Variants in ZFAND3 observed in about 807,000 individuals in gnomAD.
The protein encoded by ZFAND3 is zinc finger AN1-type containing 3.
A neutral mutation model predicts 29.6 loss-of-function variants in ZFAND3; 10 were observed. The ratio of observed to expected loss-of-function variants is 0.34; its 90% CI spans 0.21 to 0.57. The LOEUF (loss-of-function observed/expected upper bound fraction) is 0.57. Among genes scored for constraint, ZFAND3 ranks in the 20% least tolerant of loss-of-function variants. The pLI, the probability that ZFAND3 is intolerant of heterozygous loss-of-function variation, is 0.86. For missense variants in ZFAND3, 230 were observed against 304.5 expected (o/e 0.76, Z 1.82); for synonymous variants, 128 against 112.6 (o/e 1.14, Z -0.87).
chr6:38,030,684 A>G (rs1227392905), intron 2 of ZFAND3, among the ~76,000 whole-genome samples: 1 of 152,142 alleles, frequency 6.6e-6, no homozygotes, highest in Non-Finnish European at 1.5e-5. Flanking sequence ...CACAAGGAAA[A>G]TACCCTGCAG....
intron 2 of ZFAND3, among the ~76,000 whole-genome samples, chr6:38,048,113 C>T (rs931383235): frequency 2.0e-5 from 3 of 151,804 alleles, no homozygotes; most frequent in African/African-American, 4.8e-5. Flanking sequence ...TCAGGTGATC[C>T]TCCTACCTCA....
intron 3 of ZFAND3, among the ~76,000 whole-genome samples, chr6:38,077,389 C>A (rs1764575463): frequency 6.6e-6 from 1 of 152,040 alleles, no homozygotes; most frequent in Non-Finnish European, 1.5e-5. Context: ...TTTTAATTAG[C>A]CTACAGTGCC....
At chr6:38,008,950 C>G (rs1763098594) in intron 2 of ZFAND3, among the ~76,000 whole-genome samples, 1 of 151,932 alleles carries the variant, frequency 6.6e-6, no homozygotes, top group Admixed American at 6.6e-5. Flanking sequence ...TTTAATTAAT[C>G]CTTTGGTAAT....
chr6:38,002,088 T>C (rs1340779623), intron 2 of ZFAND3, among the ~76,000 whole-genome samples: 1 of 152,166 alleles, frequency 6.6e-6, no homozygotes, highest in African/African-American at 2.4e-5. Context: ...GGCTGAATTA[T>C]AGAATACTCA....
chr6:37,820,198 G>T (rs893416908), intron 1 of ZFAND3, among the ~76,000 whole-genome samples, 182 bp downstream of exon 1: 1 of 151,122 alleles, frequency 6.6e-6, no homozygotes, highest in East Asian at 2.0e-4. Flanking sequence ...CTGGGGGTGG[G>T]CAGAGAAGGC....
chr6:37,910,568 T>A (rs562891233), intron 1 of ZFAND3, among the ~76,000 whole-genome samples: 1 of 152,306 alleles, frequency 6.6e-6, no homozygotes, highest in East Asian at 1.9e-4. Flanking sequence ...TCAAGCTAAT[T>A]AACACCTCAC....
intron 1 of ZFAND3, among the ~76,000 whole-genome samples, chr6:37,830,461 G>A (rs1188659427): frequency 6.6e-6 from 1 of 152,180 alleles, no homozygotes; most frequent in African/African-American, 2.4e-5. Context: ...GAGTCCCCTG[G>A]GACCTTACAG....
At chr6:38,138,245 TAGAC>T (rs1554183541) in intron 5 of ZFAND3, among the ~76,000 whole-genome samples, 3 of 152,090 alleles carry the variant, frequency 2.0e-5, no homozygotes, top group Non-Finnish European at 2.9e-5. Flanking sequence ...TACATAAAAA[TAGAC>T]AGTGGTGGTG....
chr6:37,851,105 C>G (rs9470722), intron 1 of ZFAND3, among the ~76,000 whole-genome samples: 4,362 of 149,712 alleles, frequency 0.029, 169 homozygotes, highest in African/African-American at 0.084. Flanking sequence ...TGGAGTGCAG[C>G]GGTGTGACAG....
chr6:37,960,787 G>GA (rs939768621), intron 2 of ZFAND3, among the ~76,000 whole-genome samples: 4 of 151,600 alleles, frequency 2.6e-5, no homozygotes, highest in African/African-American at 9.7e-5. Flanking sequence ...TACCCCTTGG[G>GA]AAAAAAAATT....
chr6:38,074,582 C>G (rs1764517099), intron 3 of ZFAND3, among the ~76,000 whole-genome samples: 1 of 152,188 alleles, frequency 6.6e-6, no homozygotes. Flanking sequence ...AAGAAGCCAT[C>G]TCCATAAAAG....
intron 1 of ZFAND3, among the ~76,000 whole-genome samples, chr6:37,865,254 A>G (rs576963510): frequency 1.3e-5 from 2 of 152,324 alleles, no homozygotes; most frequent in Admixed American, 1.3e-4. Flanking sequence ...AATCATCTCT[A>G]GATTGCTTAT....
intron 3 of ZFAND3, among the ~76,000 whole-genome samples, chr6:38,070,691 A>G (rs1381479444): frequency 1.3e-5 from 2 of 152,172 alleles, no homozygotes; most frequent in Non-Finnish European, 2.9e-5. Flanking sequence ...CATGATAAAT[A>G]CATAGAAGAG....
chr6:37,893,202 A>G (rs935893095), intron 1 of ZFAND3, among the ~76,000 whole-genome samples: 4 of 152,240 alleles, frequency 2.6e-5, no homozygotes, highest in South Asian at 2.1e-4. Context: ...ACAAAATGCT[A>G]GTAAACCAAA....
intron 2 of ZFAND3, among the ~76,000 whole-genome samples, chr6:37,957,440 TA>T (rs989280449): frequency 1.3e-5 from 2 of 152,138 alleles, no homozygotes; most frequent in African/African-American, 4.8e-5. Flanking sequence ...TGCTTTACAG[TA>T]GGTTTGTAAG....
Position 37,819,891 on chromosome 6 carries a change from C to G in ZFAND3, c.-55C>G, listed in dbSNP as rs1422957104. On this transcript the variant is annotated 5_prime_UTR_variant, in exon 1 of 6. Coordinates refer to ENST00000287218, the MANE Select transcript of ZFAND3 (RefSeq NM_021943.3). ...GCCACCGCCTCCTCAGAGCGGGGCC[C>G]GGGCCCAGCCGCCGCCACCGCTGCC... The G allele has an allele frequency of 3.4e-6, 4 of 1,168,704 alleles. No individual in the cohort carries two copies. The highest frequency in any genetic ancestry group is 4.2e-6 in the Non-Finnish European group (4 of 947,506). 72.4% of individuals were successfully genotyped at this position (1,168,704 alleles called of 1,614,324 possible).
rs1371004592 is a variant in ZFAND3, at chr6:38,082,155, T to TG, written c.296-237_296-236insG. On this transcript the variant is annotated intron_variant, in intron 3 of 5. Transcript: ENST00000287218. Reference sequence around the variant, plus strand: ...TGAGACTCGGCTGTTTTTTTTTTTTTTGTGTGTGAAAAGCATGTTAGAATG... The same window carrying TG: ...TGAGACTCGGCTGTTTTTTTTTTTTTGTGTGTGTGAAAAGCATGTTAGAATG... 2.9e-3 allele frequency among the ~76,000 whole-genome samples: 435 copies of TG among 148,714 alleles called. 5 individuals carry two copies. In the South Asian group the frequency reaches 0.043, roughly 15 times the overall value.
At chr6:38,116,789 G>A in intron 5 of ZFAND3, 50 bp downstream of exon 5, 1 of 1,571,816 alleles carries the variant, frequency 6.4e-7, no homozygotes, top group Non-Finnish European at 8.7e-7. Flanking sequence ...TTAACACCTT[G>A]GCCCAGCTTT....
At chr6:37,846,578 A>G (rs1764181192) in intron 1 of ZFAND3, among the ~76,000 whole-genome samples, 1 of 152,182 alleles carries the variant, frequency 6.6e-6, no homozygotes, top group African/African-American at 2.4e-5. Context: ...TGGACGTTGC[A>G]GATATTTACT....
Sources: allele counts gnomAD v4.1 joint callset (sites outside exome capture counted in the v4.1 genomes callset), GRCh38; gene constraint gnomAD v4.1.1; transcripts MANE v1.5; gene names NCBI Gene and HGNC (gene_info 2026-07-23, HGNC 2026-07-21).